NOS3: variants seen among roughly 807,000 people sequenced by gnomAD.
The protein encoded by NOS3 is NOS type III.
NOS3 carries 98 observed loss-of-function variants against 144.9 expected under a neutral mutation model. The observed-to-expected ratio is 0.68, with a 90% CI of 0.57 to 0.80. NOS3 has a LOEUF of 0.80. NOS3 is among the 30% of genes least tolerant of loss of function. The pLI is 0.00. For missense variants in NOS3, 1,465 were observed against 1,656.4 expected (o/e 0.88, Z 2.01); for synonymous variants, 714 against 702.4 (o/e 1.02, Z -0.26).
At chr7:150,999,450 A>G in intron 9 of NOS3, 86 bp downstream of exon 9, 1 of 1,403,840 alleles carries the variant, frequency 7.1e-7, no homozygotes, top group East Asian at 2.3e-5. Flanking sequence ...AATGCCAGCC[A>G]CGGGGACAAT....
intron 2 of NOS3, 37 bp from the exon 3 acceptor site, chr7:150,995,166 A>G: frequency 8.0e-7 from 1 of 1,257,694 alleles, no homozygotes; most frequent in Non-Finnish European, 1.2e-6. Context: ...AAAGGAAACA[A>G]ACCCTTCCTG....
chr7:151,001,495 A>T, intron 11 of NOS3, 49 bp from the exon 12 acceptor site: 1 of 1,609,852 alleles, frequency 6.2e-7, no homozygotes, highest in East Asian at 2.2e-5. Context: ...GGGACCTCTA[A>T]CCTTTCCTTT....
At chr7:151,009,821 C>G (rs1340921194) in intron 20 of NOS3, among the ~76,000 whole-genome samples, 1 of 152,210 alleles carries the variant, frequency 6.6e-6, no homozygotes, top group Non-Finnish European at 1.5e-5. Context: ...CTCTGGGCTC[C>G]TCTCCGAGGC....
chr7:150,993,708 C>G lies in NOS3; in HGVS notation c.-51-45C>G. The G allele has an allele frequency of 1.6e-6, 2 of 1,274,078 alleles. No homozygotes were observed. The highest frequency in any genetic ancestry group is 3.0e-5 in the South Asian group (2 of 67,506). 78.9% of individuals were successfully genotyped at this position (1,274,078 alleles called of 1,614,324 possible). On this transcript the variant is annotated intron_variant, in intron 1 of 26. Transcript: ENST00000297494. This position sits in a 1 kb window ranked among gnomAD's most constrained non-coding sequence, Gnocchi z 4.0. Reference sequence around the variant, plus strand: ...GGGGCGAGGGCCAGCACTGGAGAGCCCCCTCCCACTGCCCCCTCCTCTCGG... The same window carrying G: ...GGGGCGAGGGCCAGCACTGGAGAGCGCCCTCCCACTGCCCCCTCCTCTCGG...
Position 151,006,414 on chromosome 7 carries a change from C to G in NOS3, c.1753-13C>G, listed in dbSNP as rs763782150. On this transcript the variant is annotated splice_polypyrimidine_tract_variant and intron_variant, in intron 14 of 26. Transcript: ENST00000297494. ...AACAAAACTAACCCTGATGCAAACA[C>G]TCCCCTCGCCAGAGCTTTGCAGCTG... 1 of 1,611,582 alleles carries G rather than the reference C, an allele frequency of 6.2e-7. No individual in the cohort carries two copies. The highest frequency in any genetic ancestry group is 8.5e-7 in the Non-Finnish European group (1 of 1,178,076).
intron 21 of NOS3, 58 bp from the exon 22 acceptor site, chr7:151,010,539 A>C: frequency 6.8e-7 from 1 of 1,462,468 alleles, no homozygotes; most frequent in South Asian, 1.4e-5. Flanking sequence ...GGGGTCAAGA[A>C]GGGAGGTTAC....
chr7:150,999,116 T>C (rs1476777103), intron 8 of NOS3, 31 bp downstream of exon 8: 1 of 1,612,380 alleles, frequency 6.2e-7, no homozygotes, highest in Admixed American at 1.7e-5. Flanking sequence ...CTGGGTGGGA[T>C]GGAGGGGGCC....
At position 151,001,419 on chromosome 7, in the gene NOS3, C is replaced by A. The variant is rs1045766410; in HGVS notation, c.1422C>A (p.Arg474=). The A allele has an allele frequency of 6.3e-6, 10 of 1,586,562 alleles. 1 individual carries two copies. The highest frequency in any genetic ancestry group is 7.7e-6 in the Non-Finnish European group (9 of 1,164,766). ...MVNYFLSPAF[R]YQPDPWKGSA... is the part of the protein sequence containing the mutation. ...ACTATTTCCTGTCCCCGGCCTTCCG[C>A]TACCAGGTGCCCACCCTAACTGGCT... is the stretch of plus-strand genomic sequence containing the variant. The change falls in exon 11 of 27, where the codon CGC becomes CGA. Residue 474 remains arginine, a synonymous_variant. Transcript: ENST00000297494.
rs1236539312 is a variant in NOS3, at chr7:150,998,087, C to T, written c.583-270C>T. On this transcript the variant is annotated intron_variant, in intron 5 of 26. Transcript: ENST00000297494. The surrounding 1 kb of genome is among the most constrained non-coding windows in gnomAD (Gnocchi z 5.0). ...AACCCAAGCATCAGTTTGGCAGAGGCCGAGTCCCTCCTCTGTACTGGATAC... is the reference window on the plus strand; with the variant it reads ...AACCCAAGCATCAGTTTGGCAGAGGTCGAGTCCCTCCTCTGTACTGGATAC... 6.6e-6 allele frequency among the ~76,000 whole-genome samples: 1 copy of T among 152,202 alleles called. No homozygotes were observed. The highest frequency in any genetic ancestry group is 1.5e-5 in the Non-Finnish European group (1 of 68,024).
Position 151,007,261 on chromosome 7 carries a change from C to G in NOS3, c.2097C>G (p.Ala699=). ...CGQEEAFRGW[A]QAAFQAACET... ...AGGAGGAGGCCTTCCGAGGCTGGGC[C>G]CAGGCTGCCTTCCAGGTGAGCCCAG... The change falls in exon 17 of 27, where the codon GCC becomes GCG. Residue 699 remains alanine (A), a synonymous_variant. Coordinates refer to ENST00000297494, the MANE Select transcript of NOS3 (RefSeq NM_000603.5). The G allele has an allele frequency of 6.2e-7, 1 of 1,600,782 alleles. No individual in the cohort carries two copies. The highest frequency in any genetic ancestry group is 8.5e-7 in the Non-Finnish European group (1 of 1,177,378).
intron 3 of NOS3, 64 bp downstream of exon 3, chr7:150,995,378 A>G: frequency 1.8e-6 from 2 of 1,096,504 alleles, no homozygotes; most frequent in South Asian, 1.4e-5. Context: ...CTGGCCTCAG[A>G]TGGGGCCGGA....
rs567077361 is a variant in NOS3, at chr7:150,998,617, C to T, written c.753C>T (p.Tyr251=). 18 of 1,608,860 alleles carry T rather than the reference C, an allele frequency of 1.1e-5. No homozygotes were observed. Among genetic ancestry groups the T allele is most frequent in the South Asian group, 6.6e-5 (6 of 90,298 alleles). ...TCTGGAACAGCCAGCTGGTGCGCTA[C>T]GCGGGCTACCGGCAGCAGGATGGCT... ...FRIWNSQLVR[Y]AGYRQQDGSV... is the part of the protein sequence containing the mutation. Residue 251 remains tyrosine (Y), a synonymous_variant, in exon 7 of 27, where the codon TAC becomes TAT. Coordinates refer to ENST00000297494, the MANE Select transcript of NOS3 (RefSeq NM_000603.5). The surrounding 1 kb of genome is among the most constrained non-coding windows in gnomAD (Gnocchi z 5.0).
At chr7:151,000,413 A>G in intron 9 of NOS3, 85 bp from the exon 10 acceptor site, 1 of 870,344 alleles carries the variant, frequency 1.1e-6, no homozygotes, top group Non-Finnish European at 1.9e-6. Context: ...CCTTCCAGCC[A>G]TGTACGGGAA....
rs557448817 is a variant in NOS3, at chr7:151,002,111, T to C, written c.1648-89T>C. 91 of 1,406,838 alleles carry C rather than the reference T, an allele frequency of 6.5e-5. 1 individual carries two copies. In the African/African-American group the frequency reaches 1.2e-3, roughly 19 times the overall value. The allele number at this position is 1,406,838 out of a possible 1,614,324, so 87.1% of individuals were successfully genotyped here. A position where few individuals can be genotyped will look rare whatever the true frequency, so the allele number is the denominator to read the frequency against. ...GGTGTTCAGAGATCAAGTTGGGGCC[T>C]GAATCTTGCACTGCCAGGGAGGCCA... On this transcript the variant is annotated intron_variant, in intron 13 of 26. Coordinates refer to ENST00000297494, the MANE Select transcript of NOS3 (RefSeq NM_000603.5). The surrounding 1 kb of genome is among the most constrained non-coding windows in gnomAD (Gnocchi z 4.1).
In NOS3 at chr7:150,996,863, G is replaced by A. The variant is rs746609536; in HGVS notation, c.520G>A (p.Ala174Thr). Reference sequence around the variant, plus strand: ...TAGGGAGAGCGAGCTGGTGTTCGGGGCTAAGCAGGCCTGGCGCAACGCTCC... The same window carrying A: ...TAGGGAGAGCGAGCTGGTGTTCGGGACTAAGCAGGCCTGGCGCAACGCTCC... ...QLRESELVFG[A>T]KQAWRNAPRC... The change falls in exon 5 of 27, where the codon GCT becomes ACT. Residue 174 changes from alanine (A) to threonine (T), a missense_variant. Ala to Thr is a moderately conservative substitution (Grantham distance 58). Around this residue, in one of 5 missense-constraint regions of NOS3, gnomAD observed 374 missense variants for 377.0 expected, o/e 0.99. Coordinates refer to ENST00000297494, the MANE Select transcript of NOS3 (RefSeq NM_000603.5). 3.5e-5 allele frequency: 56 copies of A among 1,594,698 alleles called. No individual in the cohort carries two copies. In the Admixed American group the frequency reaches 9.2e-4, roughly 26 times the overall value.
Position 151,013,996 on chromosome 7 carries a change from CTT to C in NOS3, c.3451-9_3451-8del. The C allele has an allele frequency of 6.2e-7, 1 of 1,611,544 alleles. No individual in the cohort carries two copies. Among genetic ancestry groups the C allele is most frequent in the East Asian group, 2.2e-5 (1 of 44,798 alleles). The stretch of plus-strand genomic sequence containing the variant: ...GAGTCGGGTTCTGATCCACTGTGCT[CTT>C]TTCCGACAGGATCAGCAACGCTACC... On this transcript the variant is annotated splice_polypyrimidine_tract_variant and intron_variant, in intron 26 of 26. Coordinates refer to ENST00000297494, the MANE Select transcript of NOS3 (RefSeq NM_000603.5).
Position 150,995,111 on chromosome 7 carries a change from G to A in NOS3, c.159-92G>A, listed in dbSNP as rs556610062. 1.3e-4 allele frequency: 83 copies of A among 662,454 alleles called. No individual in the cohort carries two copies. In the East Asian group the frequency reaches 1.9e-3, roughly 16 times the overall value. The allele number at this position is 662,454 out of a possible 1,614,324, so 41.0% of individuals were successfully genotyped here. ...CATGCGGCAGGTGGGCTGTGAGATC[G>A]CCAGTGCTGTAACAGGGGCCTCCGG... On this transcript the variant is annotated intron_variant, in intron 2 of 26. Transcript: ENST00000297494.
Position 151,010,981 on chromosome 7 carries a change from C to T in NOS3, c.2979C>T (p.Ile993=), listed in dbSNP as rs548358307. Residue 993 remains isoleucine, a synonymous_variant, in exon 23 of 27, where the codon ATC becomes ATT. Coordinates refer to ENST00000297494, the MANE Select transcript of NOS3 (RefSeq NM_000603.5). Reference sequence around the variant, plus strand: ...CCGGAGACCCTGTGCCCTGCTTCATCCGGGGGTAAGTGAGATGGAAGACTT... The same window carrying T: ...CCGGAGACCCTGTGCCCTGCTTCATTCGGGGGTAAGTGAGATGGAAGACTT... ...LKPGDPVPCF[I]RGAPSFRLPP... The T allele has an allele frequency of 2.0e-5, 33 of 1,612,558 alleles. No homozygotes were observed. In the African/African-American group the frequency reaches 4.1e-4, roughly 20 times the overall value.
chr7:150,995,066 G>C (rs1160872547), intron 2 of NOS3, 137 bp from the exon 3 acceptor site: 2 of 570,920 alleles, frequency 3.5e-6, no homozygotes, highest in Non-Finnish European at 6.4e-6. Flanking sequence ...AGCTCCTAAG[G>C]CATGGGGAAC....
Sources: gnomAD v4.1 joint callset for allele counts (sites outside exome capture counted in the v4.1 genomes callset) on GRCh38, gnomAD v4.1.1 for gene constraint, gnomAD v4.1.1 regional missense constraint, Gnocchi (gnomAD v3.1) non-coding constraint, MANE v1.5 for transcripts, NCBI Gene and HGNC (gene_info 2026-07-23, HGNC 2026-07-21) for gene names.